Variants in ANKS1B observed in about 807,000 individuals in gnomAD.
ANKS1B encodes the protein ankyrin repeat and sterile alpha motif domain-containing protein 1B.
In ANKS1B, 36 loss-of-function variants were observed where a neutral mutation model predicts 148.3. The observed-to-expected ratio is 0.24, with a 90% CI of 0.19 to 0.32. The LOEUF (loss-of-function observed/expected upper bound fraction) is 0.32, where lower values mean the gene tolerates loss of function less well. Ranked by LOEUF, ANKS1B falls within the 10% of genes least tolerant of loss-of-function variation. The pLI is 1.00. For synonymous variants in ANKS1B, 542 were observed against 560.8 expected (o/e 0.97, Z 0.47); for missense variants, 1,157 against 1,542.6 (o/e 0.75, Z 4.19).
At chr12:99,464,107 G>A (rs548931260) in intron 10 of ANKS1B, among the ~76,000 whole-genome samples, 2 of 152,282 alleles carry the variant, frequency 1.3e-5, no homozygotes, top group African/African-American at 2.4e-5. Context: ...CCAGAGGAAC[G>A]ATCAGACAGC....
At chr12:99,110,582 G>A (rs781677804) in intron 15 of ANKS1B, among the ~76,000 whole-genome samples, 2 of 152,096 alleles carry the variant, frequency 1.3e-5, no homozygotes, top group Non-Finnish European at 2.9e-5. Flanking sequence ...CCACTAGGTC[G>A]AGCTTAAAAG....
chr12:99,299,075 GAGAT>G (rs2154019116), intron 12 of ANKS1B, among the ~76,000 whole-genome samples: 1 of 130,048 alleles, frequency 7.7e-6, no homozygotes, highest in Non-Finnish European at 1.7e-5. Flanking sequence ...TTTTTTTTTT[GAGAT>G]AGATAGGGTC....
intron 22 of ANKS1B, among the ~76,000 whole-genome samples, chr12:98,798,123 ATT>A (rs10714780): frequency 0.012 from 1,760 of 142,962 alleles, 24 homozygotes; most frequent in African/African-American, 0.036. Context: ...TGGAATTGCC[ATT>A]TTTTTTTTTT....
chr12:99,461,414 A>C (rs771826364), intron 10 of ANKS1B, among the ~76,000 whole-genome samples: 3 of 151,352 alleles, frequency 2.0e-5, no homozygotes, highest in African/African-American at 7.4e-5. Flanking sequence ...CTGTTTCCTA[A>C]AAACCTATTA....
chr12:99,665,482 C>T (rs189226765), intron 8 of ANKS1B, among the ~76,000 whole-genome samples: 93 of 151,196 alleles, frequency 6.2e-4, no homozygotes, highest in Non-Finnish European at 9.3e-4. Flanking sequence ...TTAGGTTGTT[C>T]GACTTCTTTT....
At chr12:99,398,047 G>A (rs978154921) in intron 12 of ANKS1B, among the ~76,000 whole-genome samples, 9 of 152,060 alleles carry the variant, frequency 5.9e-5, no homozygotes, top group African/African-American at 2.2e-4. Flanking sequence ...CAGGAACCAG[G>A]CTAAATTAGG....
intron 17 of ANKS1B, among the ~76,000 whole-genome samples, chr12:98,846,136 T>C (rs886396967): frequency 1.3e-5 from 2 of 152,198 alleles, no homozygotes; most frequent in African/African-American, 4.8e-5. Flanking sequence ...TCATGCTCTG[T>C]GTAGACTATT....
intron 9 of ANKS1B, among the ~76,000 whole-genome samples, chr12:99,642,310 T>G (rs979662744): frequency 6.6e-6 from 1 of 152,204 alleles, no homozygotes; most frequent in Non-Finnish European, 1.5e-5. Flanking sequence ...TCTCCTTGAG[T>G]GCATCTATGA....
intron 9 of ANKS1B, among the ~76,000 whole-genome samples, chr12:99,587,704 TAAAAAGTTTCACATTTGTA>T (rs1052269531): frequency 2.6e-5 from 4 of 152,184 alleles, no homozygotes; most frequent in African/African-American, 4.8e-5. Context: ...GGGGCGAATA[TAAAAAGTTTCACATTTGTA>T]CATGTTGCCA....
At chr12:98,952,925 C>T (rs2099856253) in intron 17 of ANKS1B, among the ~76,000 whole-genome samples, 1 of 152,116 alleles carries the variant, frequency 6.6e-6, no homozygotes, top group African/African-American at 2.4e-5. Context: ...GTGGTGCGAT[C>T]ATGGCTCACT....
intron 25 of ANKS1B, among the ~76,000 whole-genome samples, chr12:98,759,217 C>T (rs1163201564): frequency 6.6e-6 from 1 of 152,144 alleles, no homozygotes; most frequent in Non-Finnish European, 1.5e-5. Context: ...TGCAGGTCAG[C>T]TTATATTTAC....
At position 99,984,395 on chromosome 12, in the gene ANKS1B, G is replaced by A. The variant is rs1237783528; in HGVS notation, c.-158C>T. 1.7e-5 allele frequency: 10 copies of A among 573,644 alleles called. No individual in the cohort carries two copies. Among genetic ancestry groups the A allele is most frequent in the South Asian group, 5.0e-5 (2 of 39,884 alleles). 35.5% of individuals were successfully genotyped at this position (573,644 alleles called of 1,614,324 possible). On this transcript the variant is annotated 5_prime_UTR_variant, in exon 1 of 27. Transcript: ENST00000683438. Reference sequence around the variant, plus strand: ...CCCTGCAGCCCCAGGCAGGGAGCACGACTCTCTCCTCCTCTTCGGGGCGCA... The same window carrying A: ...CCCTGCAGCCCCAGGCAGGGAGCACAACTCTCTCCTCCTCTTCGGGGCGCA...
At chr12:98,994,488 G>A (rs543727331) in intron 17 of ANKS1B, among the ~76,000 whole-genome samples, 3 of 152,174 alleles carry the variant, frequency 2.0e-5, no homozygotes, top group South Asian at 2.1e-4. Context: ...ATGGTGGTGC[G>A]TGCCTGTAAT....
intron 17 of ANKS1B, among the ~76,000 whole-genome samples, chr12:98,877,801 T>C (rs149274232): frequency 0.011 from 1,632 of 152,308 alleles, 30 homozygotes; most frequent in African/African-American, 0.037. Flanking sequence ...TCTTCTAATC[T>C]TAAATTTTTA....
chr12:99,099,775 T>G (rs1188411533), intron 15 of ANKS1B: 1 of 152,214 alleles, frequency 6.6e-6, no homozygotes. Flanking sequence ...ACATAAAATT[T>G]TAATGTTTCT....
At chr12:99,163,208 G>A (rs1451216655) in intron 14 of ANKS1B, among the ~76,000 whole-genome samples, 1 of 151,980 alleles carries the variant, frequency 6.6e-6, no homozygotes, top group Non-Finnish European at 1.5e-5. Flanking sequence ...AGTTTATTCA[G>A]TTCTTTGCCT....
Position 99,159,214 on chromosome 12 carries a change from C to G in ANKS1B, c.2420-4819G>C, listed in dbSNP as rs149128070. 5.1e-4 allele frequency among the ~76,000 whole-genome samples: 78 copies of G among 152,162 alleles called. No individual in the cohort carries two copies. In the East Asian group the frequency reaches 0.011, roughly 21 times the overall value. ...CTAAAGCTTTCCCCCAAGAGGTTGA[C>G]TTATTTGTTTGTTTTCAATTTTTGT... On this transcript the variant is annotated intron_variant, in intron 14 of 26. Transcript: ENST00000683438.
At position 99,011,395 on chromosome 12, in the gene ANKS1B, G is replaced by T. The variant is rs991575780; in HGVS notation, c.2778+41762C>A. 8.5e-5 allele frequency among the ~76,000 whole-genome samples: 13 copies of T among 152,148 alleles called. 1 individual carries two copies. Among genetic ancestry groups the T allele is most frequent in the Non-Finnish European group, 1.9e-4 (13 of 68,024 alleles). On this transcript the variant is annotated intron_variant, in intron 17 of 26. Transcript: ENST00000683438. ...AAAACCAAGTGTGAGTAAAATAACCGCAGAATAGCTATTTTGGAATTCTGA... is the reference window on the plus strand; with the variant it reads ...AAAACCAAGTGTGAGTAAAATAACCTCAGAATAGCTATTTTGGAATTCTGA...
chr12:99,192,609 A>G (rs1283129209), intron 14 of ANKS1B, among the ~76,000 whole-genome samples: 1 of 152,156 alleles, frequency 6.6e-6, no homozygotes, highest in South Asian at 2.1e-4. Flanking sequence ...AAGATTAACC[A>G]TTACACAAGG....
Sources: allele counts gnomAD v4.1 joint callset (sites outside exome capture counted in the v4.1 genomes callset), GRCh38; gene constraint gnomAD v4.1.1; transcripts MANE v1.5; gene names NCBI Gene and HGNC (gene_info 2026-07-23, HGNC 2026-07-21).